C5orf63: variants seen among roughly 807,000 people sequenced by gnomAD.
C5orf63 encodes chromosome 5 open reading frame 63, also known as glutaredoxin-like protein C5orf63.
Under a neutral mutation model 13.3 loss-of-function variants are expected in C5orf63, and 18 were observed. The ratio of observed to expected loss-of-function variants is 1.36; its 90% confidence interval spans 0.94 to 2.01. The LOEUF is 2.01. Among genes scored for constraint, C5orf63 ranks in the 30% most tolerant of loss-of-function variants. The pLI is 0.00. For synonymous variants in C5orf63, 38 were observed against 44.7 expected (o/e 0.85, Z 0.60); for missense variants, 118 against 127.7 (o/e 0.92, Z 0.36).
chr5:127,067,788 G>A (rs969316684), intron 2 of C5orf63, among the ~76,000 whole-genome samples: 1 of 152,026 alleles, frequency 6.6e-6, no homozygotes, highest in African/African-American at 2.4e-5. Context: ...AAAAGAAGCC[G>A]CCTAGGTAAT....
At chr5:127,047,611 AC>A (rs1753545682), downstream of C5orf63, 1 of 658,618 alleles carries the variant, frequency 1.5e-6, no homozygotes, top group Non-Finnish European at 2.7e-6. Context: ...AATATGGGAT[AC>A]CTTCAGAAAG....
At chr5:127,043,902 T>C (rs1753460837), downstream of C5orf63, 1 of 152,238 alleles carries the variant, frequency 6.6e-6, no homozygotes, top group East Asian at 1.9e-4. Context: ...GGAAGCGTTT[T>C]CTAAAATTTA....
downstream of C5orf63, among the ~76,000 whole-genome samples, chr5:127,050,706 T>C (rs1753643561): frequency 6.6e-6 from 1 of 152,184 alleles, no homozygotes; most frequent in African/African-American, 2.4e-5. Flanking sequence ...GACTAGACAA[T>C]GTCTAAGGTC....
rs190146687 is a variant in C5orf63, at chr5:127,052,793, C to T, written c.115-124G>A. On this transcript the variant is annotated intron_variant, in intron 3 of 4. Transcript: ENST00000296662. Reference sequence around the variant, plus strand: ...ACTTATTTTAAAGAATAGTTTTCTACCATGTTAGTTACACTGCTTTTCCAA... The same window carrying T: ...ACTTATTTTAAAGAATAGTTTTCTATCATGTTAGTTACACTGCTTTTCCAA... The T allele has an allele frequency of 1.2e-3, 733 of 602,506 alleles. 2 individuals are homozygous for T. Among genetic ancestry groups the T allele is most frequent in the Admixed American group, 1.8e-3 (44 of 25,024 alleles). The allele number at this position is 602,506 out of a possible 1,614,324, so 37.3% of individuals were successfully genotyped here. A position where few individuals can be genotyped will look rare whatever the true frequency, so the allele number is the denominator to read the frequency against.
At chr5:127,060,068 G>A (rs1390770271) in intron 2 of C5orf63, among the ~76,000 whole-genome samples, 1 of 152,042 alleles carries the variant, frequency 6.6e-6, no homozygotes, top group Non-Finnish European at 1.5e-5. Context: ...AATCTGGGAG[G>A]TGGAGGTTGC....
Position 127,051,842 on chromosome 5 carries a change from T to C in C5orf63, c.277A>G (p.Met93Val). Reference protein sequence around the residue: ...VFHLNGQFLMMHRVNTSKLEK... With the variant: ...VFHLNGQFLMVHRVNTSKLEK... ...AGTTTTGAGGTGTTTACTCGATGCA[T>C]CATCAGAAACTGGCCATTCAAGTGA... is the stretch of plus-strand genomic sequence containing the variant. The change falls in exon 5 of 5, where the codon ATG (methionine) becomes GTG (valine). Residue 93 changes from methionine (M) to valine (V), a missense_variant. Met to Val is a conservative substitution (Grantham distance 21). Transcript: ENST00000296662. 6.5e-7 allele frequency: 1 copy of C among 1,536,362 alleles called. No homozygotes were observed. Among genetic ancestry groups the C allele is most frequent in the Non-Finnish European group, 8.7e-7 (1 of 1,146,414 alleles).
chr5:127,048,544 A>C (rs898961336), downstream of C5orf63, among the ~76,000 whole-genome samples: 50 of 149,762 alleles, frequency 3.3e-4, 1 homozygote, highest in African/African-American at 1.1e-3. Context: ...TTTTTAAAAA[A>C]CTCCTCCAAA....
At chr5:127,054,175 T>C (rs894986959) in intron 3 of C5orf63, among the ~76,000 whole-genome samples, 2 of 152,174 alleles carry the variant, frequency 1.3e-5, no homozygotes, top group Non-Finnish European at 2.9e-5. Flanking sequence ...TTTTGTTTTG[T>C]TTTTTAGACC....
exon 5 of C5orf63, chr5:127,045,505 A>G (rs1753503547): frequency 6.6e-6 from 1 of 152,158 alleles, no homozygotes; most frequent in African/African-American, 2.4e-5. Context: ...CTGTGATTAC[A>G]TTAGGACCTG....
downstream of C5orf63, among the ~76,000 whole-genome samples, chr5:127,048,885 A>T (rs947226751): frequency 1.1e-4 from 16 of 152,192 alleles, no homozygotes; most frequent in African/African-American, 3.6e-4. Flanking sequence ...CACTGAAAGA[A>T]ACTCTTGGAA....
chr5:127,066,325 G>A (rs967626722), intron 2 of C5orf63, among the ~76,000 whole-genome samples: 5 of 152,142 alleles, frequency 3.3e-5, no homozygotes, highest in Admixed American at 1.3e-4. Context: ...ATTTTTAAAA[G>A]GAAACTTCAG....
At chr5:127,061,607 C>T (rs544141756) in intron 2 of C5orf63, among the ~76,000 whole-genome samples, 108 of 152,298 alleles carry the variant, frequency 7.1e-4, no homozygotes, top group African/African-American at 2.3e-3. Context: ...ATCACTGGTA[C>T]ATACATATTT....
In C5orf63 at chr5:127,051,644, T is replaced by C. The variant is rs1024536200; in HGVS notation, c.*127A>G. ...CCAAAAGGGGAATGTCAACATTTAT[T>C]TGGCACCACTGAATTCAGAACATCC... On this transcript the variant is annotated 3_prime_UTR_variant, in exon 5 of 5. Transcript: ENST00000296662. The C allele has an allele frequency of 3.9e-6, 5 of 1,281,910 alleles. No homozygotes were observed. Among genetic ancestry groups the C allele is most frequent in the African/African-American group, 3.0e-5 (2 of 65,784 alleles). 79.4% of individuals were successfully genotyped at this position (1,281,910 alleles called of 1,614,324 possible).
chr5:127,062,975 G>A (rs538330972), intron 2 of C5orf63, among the ~76,000 whole-genome samples: 34 of 150,456 alleles, frequency 2.3e-4, no homozygotes, highest in African/African-American at 8.3e-4. Flanking sequence ...CAATACCAAA[G>A]AAGAACAATT....
chr5:127,052,665 G>A lies in C5orf63; in HGVS notation c.119C>T (p.Pro40Leu). The change falls in exon 4 of 5, where the codon CCA (proline) becomes CTA (leucine). Residue 40 changes from proline (P) to leucine (L), a missense_variant. Pro to Leu is a moderately conservative substitution (Grantham distance 98, BLOSUM62 -3). Transcript: ENST00000296662. ...LPVLTLFTKD[P>L]CPLCDEAKEV... ...CTTGGCTTCATCACAAAGGGGGCAT[G>A]GGTCCTACAGGAAGAAAAAAAACCC... 6.7e-7 allele frequency: 1 copy of A among 1,492,664 alleles called. No individual in the cohort carries two copies. The highest frequency in any genetic ancestry group is 8.8e-7 in the Non-Finnish European group (1 of 1,132,024). The allele number at this position is 1,492,664 out of a possible 1,614,324, so 92.5% of individuals were successfully genotyped here. A position where few individuals can be genotyped will look rare whatever the true frequency, so the allele number is the denominator to read the frequency against.
chr5:127,047,657 G>T (rs1753547250), downstream of C5orf63: 1 of 699,186 alleles, frequency 1.4e-6, no homozygotes, highest in Non-Finnish European at 2.6e-6. Flanking sequence ...TATATATTTG[G>T]TGGATGAATT....
chr5:127,062,026 A>C (rs535836815), intron 2 of C5orf63, among the ~76,000 whole-genome samples: 1 of 152,292 alleles, frequency 6.6e-6, no homozygotes. Flanking sequence ...AAAGGAAAAC[A>C]TTGCTTTTAC....
intron 3 of C5orf63, 53 bp from the exon 4 acceptor site, chr5:127,052,722 CT>C: frequency 7.2e-7 from 1 of 1,380,480 alleles, no homozygotes; most frequent in Non-Finnish European, 9.4e-7. Context: ...GGCATTTGCC[CT>C]TACAAAAACA....
intron 1 of C5orf63, among the ~76,000 whole-genome samples, chr5:127,072,910 T>C (rs1432179166): frequency 1.3e-5 from 2 of 152,214 alleles, no homozygotes; most frequent in African/African-American, 4.8e-5. Context: ...AGAGGGCTGC[T>C]TTTGCCCAAT....
Sources: gnomAD v4.1 joint callset for allele counts (sites outside exome capture counted in the v4.1 genomes callset) on GRCh38, gnomAD v4.1.1 for gene constraint, MANE v1.5 for transcripts, NCBI Gene and HGNC (gene_info 2026-07-23, HGNC 2026-07-21) for gene names.